Variants in STT3B observed in about 807,000 individuals in gnomAD.
The protein encoded by STT3B is STT3 oligosaccharyltransferase complex catalytic subunit B, also known as dolichyl-diphosphooligosaccharide--protein glycosyltransferase subunit STT3B.
In STT3B, 29 loss-of-function variants were observed where a neutral mutation model predicts 96.8. The observed-to-expected ratio is 0.30, with a 90% CI of 0.22 to 0.41. The LOEUF is 0.41. Ranked by LOEUF, STT3B falls within the 10% of genes least tolerant of loss-of-function variation. The pLI, the probability that STT3B is intolerant of heterozygous loss-of-function variation, is 1.00. For missense variants in STT3B, 640 were observed against 1,022.3 expected, an observed-to-expected ratio of 0.63 and a Z score of 5.10; for synonymous variants, 367 against 360.0, an observed-to-expected ratio of 1.02 and a Z score of -0.22.
chr3:31,619,748 C>A lies in STT3B; in HGVS notation c.1245C>A (p.Phe415Leu). 1 of 1,613,958 alleles carries A rather than the reference C, an allele frequency of 6.2e-7. No individual in the cohort carries two copies. Among genetic ancestry groups the A allele is most frequent in the Non-Finnish European group, 8.5e-7 (1 of 1,179,912 alleles). ...EHQPTTWVSF[F>L]FDLHILVCTF... ...AACCTACGACTTGGGTGTCTTTCTT[C>A]TTTGATCTACATATTCTTGTATGTA... Residue 415 changes from phenylalanine (F) to leucine (L), a missense_variant, in exon 9 of 16, where the codon TTC (phenylalanine) becomes TTA (leucine). Phe to Leu is a conservative substitution (Grantham distance 22). Transcript: ENST00000295770.
At chr3:31,602,814 C>T (rs1698960700) in intron 5 of STT3B, among the ~76,000 whole-genome samples, 2 of 152,020 alleles carry the variant, frequency 1.3e-5, no homozygotes, top group Admixed American at 1.3e-4. Flanking sequence ...TTCAAATTCT[C>T]CACTCTACCC....
intron 1 of STT3B, among the ~76,000 whole-genome samples, chr3:31,557,642 TA>T: frequency 6.6e-6 from 1 of 152,162 alleles, no homozygotes; most frequent in Non-Finnish European, 1.5e-5. Flanking sequence ...TTTGTTTATT[TA>T]TTTTTTTGAG....
At chr3:31,553,504 C>T (rs1428713845) in intron 1 of STT3B, among the ~76,000 whole-genome samples, 2 of 152,008 alleles carry the variant, frequency 1.3e-5, no homozygotes, top group African/African-American at 4.8e-5. Flanking sequence ...CCTGATTCAC[C>T]TTTTTAAAAA....
At chr3:31,570,763 G>T (rs1698116510) in intron 1 of STT3B, among the ~76,000 whole-genome samples, 1 of 152,082 alleles carries the variant, frequency 6.6e-6, no homozygotes, top group Admixed American at 6.5e-5. Context: ...GAAAATGGAA[G>T]ATTTGTAGTC....
intron 2 of STT3B, among the ~76,000 whole-genome samples, chr3:31,578,846 C>T (rs1035517231): frequency 4.0e-5 from 6 of 151,736 alleles, no homozygotes; most frequent in Non-Finnish European, 7.4e-5. Context: ...ATAAATAGTA[C>T]GTCAAATGAT....
intron 5 of STT3B, among the ~76,000 whole-genome samples, chr3:31,606,886 T>G (rs1699066063): frequency 6.6e-6 from 1 of 152,196 alleles, no homozygotes; most frequent in African/African-American, 2.4e-5. Flanking sequence ...GGAGGGAGGC[T>G]GTACCCTGTA....
At position 31,616,932 on chromosome 3, in the gene STT3B, T is replaced by C; in HGVS notation, c.980T>C (p.Val327Ala). The C allele has an allele frequency of 6.2e-7, 1 of 1,602,874 alleles. No individual in the cohort carries two copies. The highest frequency in any genetic ancestry group is 1.1e-5 in the South Asian group (1 of 89,432). Residue 327 changes from valine to alanine, a missense_variant, in exon 7 of 16, where the codon GTC (valine) becomes GCC (alanine). Coordinates refer to ENST00000295770, the MANE Select transcript of STT3B (RefSeq NM_178862.3). ...TGTGACCCTTTTCTTTAATTAGGTG[T>C]CTTTGCATTGCTGCAAGCTTATGCT... is the stretch of plus-strand genomic sequence containing the variant. ...RTSEHMAAAG[V>A]FALLQAYAFL...
intron 1 of STT3B, among the ~76,000 whole-genome samples, chr3:31,539,580 C>T (rs1054872635): frequency 6.6e-6 from 1 of 152,086 alleles, no homozygotes; most frequent in Admixed American, 6.5e-5. Context: ...GGTGCCCCAA[C>T]TTAAGTCTTA....
At chr3:31,561,135 C>T (rs1463307634) in intron 1 of STT3B, among the ~76,000 whole-genome samples, 1 of 151,836 alleles carries the variant, frequency 6.6e-6, no homozygotes, top group East Asian at 1.9e-4. Flanking sequence ...GTAAATTTCT[C>T]ATTCATATCC....
intron 5 of STT3B, among the ~76,000 whole-genome samples, chr3:31,601,404 T>A (rs921422458): frequency 3.3e-5 from 5 of 152,202 alleles, no homozygotes; most frequent in African/African-American, 1.2e-4. Context: ...TGCTACAACA[T>A]GAACCTTGAA....
At chr3:31,545,435 C>T (rs756427765) in intron 1 of STT3B, among the ~76,000 whole-genome samples, 1 of 152,130 alleles carries the variant, frequency 6.6e-6, no homozygotes, top group Non-Finnish European at 1.5e-5. Context: ...AGAATCACAA[C>T]ATAATATACA....
rs1350473520 is a variant in STT3B, at chr3:31,636,843, A to T, written c.*779A>T. Reference sequence around the variant, plus strand: ...CACAGGATGTTGCTTACCAGGACGGAGTTTTGGTATCTTAGTACTGAAGTT... The same window carrying T: ...CACAGGATGTTGCTTACCAGGACGGTGTTTTGGTATCTTAGTACTGAAGTT... On this transcript the variant is annotated 3_prime_UTR_variant, in exon 16 of 16. Transcript: ENST00000295770. 1 of 152,142 alleles carries T rather than the reference A, an allele frequency of 6.6e-6. No individual in the cohort carries two copies. Among genetic ancestry groups the T allele is most frequent in the East Asian group, 1.9e-4 (1 of 5,196 alleles). 9.4% of individuals were successfully genotyped at this position (152,142 alleles called of 1,614,324 possible). A position where few individuals can be genotyped will look rare whatever the true frequency, so the allele number is the denominator to read the frequency against.
At chr3:31,554,177 C>T (rs1389685707) in intron 1 of STT3B, among the ~76,000 whole-genome samples, 3 of 152,062 alleles carry the variant, frequency 2.0e-5, no homozygotes, top group African/African-American at 7.2e-5. Context: ...GTTTAAAAAT[C>T]AGATTTTAAG....
rs1429819276 is a variant in STT3B at position 31,627,961 on chromosome 3, G to A, written c.2074-1337G>A. Among the ~76,000 whole-genome samples the A allele has an allele frequency of 2.6e-5, 4 of 151,024 alleles. No individual in the cohort carries two copies. In the South Asian group the frequency reaches 6.3e-4, roughly 24 times the overall value. ...TACAATAAATGTCTACCCCCTTCAC[G>A]TGATTCAAAAATAAAGTATAAGAGG... On this transcript the variant is annotated intron_variant, in intron 13 of 15. Transcript: ENST00000295770.
intron 1 of STT3B, among the ~76,000 whole-genome samples, chr3:31,544,429 A>G (rs144878898): frequency 3.7e-4 from 56 of 152,328 alleles, no homozygotes; most frequent in African/African-American, 1.3e-3. Context: ...AACCAGATAA[A>G]GTCTTTATTT....
At chr3:31,559,764 A>G (rs909100358) in intron 1 of STT3B, among the ~76,000 whole-genome samples, 4 of 152,104 alleles carry the variant, frequency 2.6e-5, no homozygotes, top group Admixed American at 1.3e-4. Context: ...TACATGATCT[A>G]TCTGATGGTG....
At chr3:31,534,498 A>G (rs1294863877) in intron 1 of STT3B, among the ~76,000 whole-genome samples, 1 of 152,196 alleles carries the variant, frequency 6.6e-6, no homozygotes, top group East Asian at 1.9e-4. Context: ...ACTTCCTCAC[A>G]GTTAGACCTA....
intron 1 of STT3B, among the ~76,000 whole-genome samples, chr3:31,545,074 A>G (rs1235330630): frequency 6.6e-6 from 1 of 152,334 alleles, no homozygotes; most frequent in East Asian, 1.9e-4. Flanking sequence ...TTAATATGCT[A>G]AGCAGCTTTA....
chr3:31,543,846 T>G (rs1697339253), intron 1 of STT3B, among the ~76,000 whole-genome samples: 1 of 152,190 alleles, frequency 6.6e-6, no homozygotes. Flanking sequence ...AAGTAACTCT[T>G]ACAGAGGTCT....
Sources: allele counts gnomAD v4.1 joint callset (sites outside exome capture counted in the v4.1 genomes callset), GRCh38; gene constraint gnomAD v4.1.1; transcripts MANE v1.5; gene names NCBI Gene and HGNC (gene_info 2026-07-23, HGNC 2026-07-21).